KCND2: variants seen among roughly 807,000 people sequenced by gnomAD.
KCND2 encodes A-type voltage-gated potassium channel KCND2.
KCND2 carries 16 observed loss-of-function variants against 54.4 expected under a neutral mutation model. The ratio of observed to expected loss-of-function variants is 0.29; its 90% CI spans 0.20 to 0.45. The LOEUF is 0.45. Among genes scored for constraint, KCND2 ranks in the 20% least tolerant of loss-of-function variants. The probability of loss-of-function intolerance (pLI) is 1.00; values close to 1 mark genes in which losing one functional copy is unlikely to be tolerated. For missense variants in KCND2, 486 were observed against 824.2 expected, an observed-to-expected ratio of 0.59 and a Z score of 5.02; for synonymous variants, 317 against 310.7, an observed-to-expected ratio of 1.02 and a Z score of -0.21.
chr7:120,461,317 T>G (rs772478017), intron 1 of KCND2, among the ~76,000 whole-genome samples: 17 of 152,202 alleles, frequency 1.1e-4, no homozygotes, highest in Non-Finnish European at 1.6e-4. Context: ...CAGACACTTT[T>G]TCACTAGGGT....
At chr7:120,508,437 C>A (rs1803061234) in intron 1 of KCND2, among the ~76,000 whole-genome samples, 1 of 151,820 alleles carries the variant, frequency 6.6e-6, no homozygotes, top group African/African-American at 2.4e-5. Flanking sequence ...AAGGAGATTG[C>A]CAGAAAGATG....
intron 1 of KCND2, among the ~76,000 whole-genome samples, chr7:120,701,929 A>C (rs959307200): frequency 6.6e-6 from 1 of 152,236 alleles, no homozygotes; most frequent in Non-Finnish European, 1.5e-5. Context: ...TGCCGAAAGC[A>C]ATTGCAACAA....
intron 1 of KCND2, among the ~76,000 whole-genome samples, chr7:120,414,289 A>G (rs936929748): frequency 6.6e-6 from 1 of 152,120 alleles, no homozygotes; most frequent in African/African-American, 2.4e-5. Context: ...GGATTATCCT[A>G]CTTTTCACCT....
At chr7:120,728,588 C>A (rs1457598216) in intron 1 of KCND2, among the ~76,000 whole-genome samples, 1 of 152,170 alleles carries the variant, frequency 6.6e-6, no homozygotes, top group Admixed American at 6.5e-5. Context: ...TTACACCCAG[C>A]CTCCTTCTTA....
chr7:120,324,192 G>C (rs1444932822), intron 1 of KCND2, among the ~76,000 whole-genome samples: 1 of 150,126 alleles, frequency 6.7e-6, no homozygotes, highest in Non-Finnish European at 1.5e-5. Context: ...GTAGATTCTG[G>C]ATATTAGCCC....
At chr7:120,545,295 A>T (rs557773219) in intron 1 of KCND2, among the ~76,000 whole-genome samples, 4 of 151,924 alleles carry the variant, frequency 2.6e-5, no homozygotes, top group Non-Finnish European at 5.9e-5. Flanking sequence ...AACAAAGCAG[A>T]TAGCTGTCTT....
chr7:120,595,460 AAT>A (rs1390964580), intron 1 of KCND2, among the ~76,000 whole-genome samples: 7,294 of 112,736 alleles, frequency 0.065, 631 homozygotes, highest in African/African-American at 0.21. Flanking sequence ...CCAAAAAAAA[AAT>A]ATATATATAT....
intron 1 of KCND2, among the ~76,000 whole-genome samples, chr7:120,501,660 A>G (rs1260359034): frequency 6.6e-6 from 1 of 152,112 alleles, no homozygotes; most frequent in Non-Finnish European, 1.5e-5. Context: ...ATGTCCTTTG[A>G]TAGGTTCCTT....
At chr7:120,580,995 CA>C (rs1180468486) in intron 1 of KCND2, among the ~76,000 whole-genome samples, 11 of 152,124 alleles carry the variant, frequency 7.2e-5, no homozygotes, top group Non-Finnish European at 1.6e-4. Flanking sequence ...TCATTTAAGC[CA>C]CCTATTTTCA....
At chr7:120,491,038 T>C (rs1303292794) in intron 1 of KCND2, among the ~76,000 whole-genome samples, 4 of 152,148 alleles carry the variant, frequency 2.6e-5, no homozygotes, top group Non-Finnish European at 4.4e-5. Flanking sequence ...TGCTTTCACG[T>C]TGCTGAGACA....
In KCND2 at chr7:120,290,017, A is replaced by G. The variant is rs921863367; in HGVS notation, c.1115+14270A>G. ...ATATTTCATAATTTTATAATGCTCT[A>G]TCTGGGGCCTTGTTGTGTTTTAAGC... On this transcript the variant is annotated intron_variant, in intron 1 of 5. Transcript: ENST00000331113. 9.9e-5 allele frequency among the ~76,000 whole-genome samples: 15 copies of G among 152,214 alleles called. No homozygotes were observed. The East Asian group carries it at 1.4e-3, about 14-fold the overall frequency.
intron 1 of KCND2, among the ~76,000 whole-genome samples, chr7:120,689,662 C>A (rs1792245911): frequency 6.6e-6 from 1 of 152,140 alleles, no homozygotes; most frequent in Non-Finnish European, 1.5e-5. Flanking sequence ...TTCTCTGAAA[C>A]TACTTAGATA....
chr7:120,374,441 G>C lies in KCND2; in HGVS notation c.1115+98694G>C, dbSNP rs531147542. 5.3e-5 allele frequency among the ~76,000 whole-genome samples: 8 copies of C among 151,748 alleles called. 1 individual carries two copies. In the South Asian group the frequency reaches 1.7e-3, roughly 32 times the overall value. ...CCCCCGAAAAAGTGGATTCGAACTA[G>C]GGTTAATTACGTTTTCTGTGATAAT... On this transcript the variant is annotated intron_variant, in intron 1 of 5. Transcript: ENST00000331113.
intron 1 of KCND2, among the ~76,000 whole-genome samples, chr7:120,398,574 G>A (rs767701358): frequency 2.0e-5 from 3 of 152,052 alleles, no homozygotes; most frequent in Non-Finnish European, 4.4e-5. Flanking sequence ...GTATTTGATC[G>A]AGCTCTACTA....
At chr7:120,735,265 G>A (rs1264486998) in intron 2 of KCND2, among the ~76,000 whole-genome samples, 3 of 151,952 alleles carry the variant, frequency 2.0e-5, no homozygotes, top group Non-Finnish European at 2.9e-5. Context: ...CAGAGGTAAA[G>A]GGATTTCAGC....
At chr7:120,616,011 A>G (rs1793019354) in intron 1 of KCND2, among the ~76,000 whole-genome samples, 1 of 152,188 alleles carries the variant, frequency 6.6e-6, no homozygotes, top group African/African-American at 2.4e-5. Flanking sequence ...TATGAAGGGT[A>G]TCAGGGCAGT....
intron 1 of KCND2, among the ~76,000 whole-genome samples, chr7:120,696,956 AAT>A (rs1295790241): frequency 1.3e-5 from 2 of 152,236 alleles, no homozygotes; most frequent in Non-Finnish European, 2.9e-5. Flanking sequence ...AATCTAATTA[AAT>A]ATTTTAAAAC....
chr7:120,622,383 T>A (rs560513249), intron 1 of KCND2, among the ~76,000 whole-genome samples: 2 of 152,128 alleles, frequency 1.3e-5, no homozygotes, highest in Non-Finnish European at 2.9e-5. Flanking sequence ...AGAATAGATA[T>A]GACAGGTTTT....
Position 120,747,891 on chromosome 7 carries a change from C to T in KCND2, c.*33C>T. The T allele has an allele frequency of 1.3e-6, 2 of 1,513,944 alleles. No homozygotes were observed. Among genetic ancestry groups the T allele is most frequent in the South Asian group, 1.1e-5 (1 of 87,866 alleles). The allele number at this position is 1,513,944 out of a possible 1,614,324, so 93.8% of individuals were successfully genotyped here. A position where few individuals can be genotyped will look rare whatever the true frequency, so the allele number is the denominator to read the frequency against. Reference sequence around the variant, plus strand: ...GGAATAAGGTCTAAGAGAATTCGAGCCCTGGCTGTGAAAAGAATCTCAACA... The same window carrying T: ...GGAATAAGGTCTAAGAGAATTCGAGTCCTGGCTGTGAAAAGAATCTCAACA... On this transcript the variant is annotated 3_prime_UTR_variant, in exon 6 of 6. Coordinates refer to ENST00000331113, the MANE Select transcript of KCND2 (RefSeq NM_012281.3).
Sources: gnomAD v4.1 joint callset for allele counts (sites outside exome capture counted in the v4.1 genomes callset) on GRCh38, gnomAD v4.1.1 for gene constraint, MANE v1.5 for transcripts, NCBI Gene and HGNC (gene_info 2026-07-23, HGNC 2026-07-21) for gene names.